Variants in YIPF4 observed in about 807,000 individuals in gnomAD.
The protein encoded by YIPF4 is protein YIPF4.
Under a neutral mutation model 29.4 loss-of-function variants are expected in YIPF4, and 18 were observed. That is an observed-to-expected ratio of 0.61 (90% confidence interval 0.42 to 0.91). The LOEUF is 0.91. Among genes scored for constraint, YIPF4 ranks in the 40% least tolerant of loss-of-function variants. The pLI, the probability that YIPF4 is intolerant of heterozygous loss-of-function variation, is 0.00. For synonymous variants in YIPF4, 115 were observed against 104.7 expected (o/e 1.10, Z -0.60); for missense variants, 279 against 282.7 (o/e 0.99, Z 0.09).
rs2030165042 is a variant in YIPF4 at position 32,277,921 on chromosome 2, G to A, written c.-235G>A. 3 of 523,520 alleles carry A rather than the reference G, an allele frequency of 5.7e-6. No homozygotes were observed. In the South Asian group the frequency reaches 7.1e-5, roughly 12 times the overall value. 32.4% of individuals were successfully genotyped at this position (523,520 alleles called of 1,614,324 possible). ...GCGCCGCTGTCACTGTTATGGTCCT[G>A]TCAGGGTGCCGGCGTCGTGGTGCTT... On this transcript the variant is annotated 5_prime_UTR_variant, in exon 1 of 6. Coordinates refer to ENST00000238831, the MANE Select transcript of YIPF4 (RefSeq NM_032312.4).
At chr2:32,280,275 C>T (rs2030338960) in intron 1 of YIPF4, among the ~76,000 whole-genome samples, 1 of 151,620 alleles carries the variant, frequency 6.6e-6, no homozygotes, top group African/African-American at 2.4e-5. Context: ...CTACAGGTGC[C>T]AGCCACCACA....
At chr2:32,292,753 A>ACTC (rs1202891852) in intron 3 of YIPF4, among the ~76,000 whole-genome samples, 1 of 150,716 alleles carries the variant, frequency 6.6e-6, no homozygotes, top group African/African-American at 2.4e-5. Flanking sequence ...AATCCCAGCT[A>ACTC]CTCGGGAAGC....
intron 5 of YIPF4, 97 bp downstream of exon 5, chr2:32,301,592 TCAAA>T (rs2031407413): frequency 1.3e-6 from 1 of 766,550 alleles, no homozygotes; most frequent in Admixed American, 2.9e-5. Context: ...AAACTCTTTA[TCAAA>T]CAGTTGGTAG....
At chr2:32,280,137 T>TATA (rs199832122) in intron 1 of YIPF4, among the ~76,000 whole-genome samples, 67 of 142,446 alleles carry the variant, frequency 4.7e-4, no homozygotes, top group South Asian at 1.3e-3. Flanking sequence ...ATATATATAT[T>TATA]TTTTTTTTGA....
chr2:32,278,198 G>C lies in YIPF4; in HGVS notation c.43G>C (p.Gly15Arg). 1.3e-6 allele frequency: 2 copies of C among 1,574,258 alleles called. No homozygotes were observed. Among genetic ancestry groups the C allele is most frequent in the South Asian group, 1.2e-5 (1 of 85,958 alleles). ...GPPPAYAPTN[G>R]DFTFVSSADA... ...GCCCCCGGCCTATGCCCCCACTAAC[G>C]GGGACTTCACCTTTGTCTCCTCAGC... The change falls in exon 1 of 6, where the codon GGG becomes CGG. Residue 15 changes from glycine (G) to arginine (R), a missense_variant. Physicochemically the swap from Gly to Arg is moderately radical, Grantham distance 125. Transcript: ENST00000238831.
intron 4 of YIPF4, among the ~76,000 whole-genome samples, chr2:32,298,874 TTTA>T (rs2031292693): frequency 2.0e-5 from 3 of 151,656 alleles, no homozygotes; most frequent in Admixed American, 2.0e-4. Context: ...TATTTATTTA[TTTA>T]TTATTATTAT....
intron 1 of YIPF4, among the ~76,000 whole-genome samples, chr2:32,278,620 G>C (rs1014274373): frequency 6.6e-6 from 1 of 152,094 alleles, no homozygotes; most frequent in Non-Finnish European, 1.5e-5. Flanking sequence ...AAAGGAAGGA[G>C]GGCTGTTTTC....
At chr2:32,301,996 C>T (rs939092236) in intron 5 of YIPF4, among the ~76,000 whole-genome samples, 2 of 151,850 alleles carry the variant, frequency 1.3e-5, no homozygotes, top group Non-Finnish European at 2.9e-5. Context: ...TGAGCCACCA[C>T]ACCCGGCCTG....
intron 2 of YIPF4, 39 bp downstream of exon 2, chr2:32,290,675 G>T (rs1279798938): frequency 7.6e-7 from 1 of 1,307,412 alleles, no homozygotes; most frequent in Non-Finnish European, 9.9e-7. Context: ...TGTTTTTTGA[G>T]CTAGTCTGTG....
At position 32,306,408 on chromosome 2, in the gene YIPF4, C is replaced by G; in HGVS notation, c.*782C>G. On this transcript the variant is annotated 3_prime_UTR_variant, in exon 6 of 6. Transcript: ENST00000238831. ...CAAGAGGTATAATGGATATGGCATTCATTAAAATCTTTACTATGTACAAAA... is the reference window on the plus strand; with the variant it reads ...CAAGAGGTATAATGGATATGGCATTGATTAAAATCTTTACTATGTACAAAA... 1.0e-6 allele frequency: 1 copy of G among 984,436 alleles called. No individual in the cohort carries two copies. The highest frequency in any genetic ancestry group is 1.2e-6 in the Non-Finnish European group (1 of 828,770). The allele number at this position is 984,436 out of a possible 1,614,324, so 61.0% of individuals were successfully genotyped here.
rs189909928 is a variant in YIPF4 at position 32,290,516 on chromosome 2, A to C, written c.113A>C (p.Lys38Thr). The C allele has an allele frequency of 8.2e-6, 13 of 1,577,638 alleles. No individual in the cohort carries two copies. Among genetic ancestry groups the C allele is most frequent in the Middle Eastern group, 3.4e-4 (2 of 5,948 alleles). Reference protein sequence around the residue: ...LSGSIASPDVKLNLGGDFIKE... With the variant: ...LSGSIASPDVTLNLGGDFIKE... ...GGTTCAATAGCATCCCCAGATGTCA[A>C]ATTAAATCTTGGTGGAGATTTTATC... Residue 38 changes from lysine to threonine, a missense_variant, in exon 2 of 6, where the codon AAA becomes ACA. Coordinates refer to ENST00000238831, the MANE Select transcript of YIPF4 (RefSeq NM_032312.4).
intron 1 of YIPF4, among the ~76,000 whole-genome samples, chr2:32,287,022 A>T (rs758738387): frequency 3.3e-5 from 5 of 152,112 alleles, no homozygotes; most frequent in Non-Finnish European, 5.9e-5. Flanking sequence ...AGGCAGGTGT[A>T]TTACATGAGG....
At position 32,306,129 on chromosome 2, in the gene YIPF4, A is replaced by G; in HGVS notation, c.*503A>G. The G allele has an allele frequency of 1.3e-6, 1 of 765,518 alleles. No individual in the cohort carries two copies. The highest frequency in any genetic ancestry group is 6.0e-5 in the South Asian group (1 of 16,696). 47.4% of individuals were successfully genotyped at this position (765,518 alleles called of 1,614,324 possible). ...GATAAACATTAAGATATTAAATCTG[A>G]TGCACAAACTTTTTAATTTGGCCAT... On this transcript the variant is annotated 3_prime_UTR_variant, in exon 6 of 6. Coordinates refer to ENST00000238831, the MANE Select transcript of YIPF4 (RefSeq NM_032312.4).
At chr2:32,305,155 A>G (rs918095594) in intron 5 of YIPF4, among the ~76,000 whole-genome samples, 3 of 152,162 alleles carry the variant, frequency 2.0e-5, no homozygotes, top group South Asian at 4.1e-4. Context: ...ACTGATAACT[A>G]GATCCTTCCC....
intron 5 of YIPF4, 53 bp from the exon 6 acceptor site, chr2:32,305,436 A>G (rs2031545180): frequency 7.1e-7 from 1 of 1,414,852 alleles, no homozygotes; most frequent in African/African-American, 1.5e-5. Context: ...ATATCCAAAA[A>G]GTTAATTGAC....
At position 32,307,538 on chromosome 2, in the gene YIPF4, G is replaced by T. The variant is rs932013133; in HGVS notation, c.*1912G>T. 1 of 153,620 alleles carries T rather than the reference G, an allele frequency of 6.5e-6. No homozygotes were observed. The highest frequency in any genetic ancestry group is 2.4e-5 in the African/African-American group (1 of 41,402). The allele number at this position is 153,620 out of a possible 1,614,324, so 9.5% of individuals were successfully genotyped here. A position where few individuals can be genotyped will look rare whatever the true frequency, so the allele number is the denominator to read the frequency against. ...AATCTTGGGAACTATCTTACTTAGG[G>T]TTTCTATAAATACAAATTACAATGT... On this transcript the variant is annotated 3_prime_UTR_variant, in exon 6 of 6. Transcript: ENST00000238831.
chr2:32,278,055 C>T lies in YIPF4; in HGVS notation c.-101C>T. ...CAGCTTGCACGTCGAGACTCGTAGG[C>T]CGCACCGTAGGGCGAGCGTGCGGGT... On this transcript the variant is annotated 5_prime_UTR_variant, in exon 1 of 6. Coordinates refer to ENST00000238831, the MANE Select transcript of YIPF4 (RefSeq NM_032312.4). 1.9e-6 allele frequency: 2 copies of T among 1,045,226 alleles called. No individual in the cohort carries two copies. Among genetic ancestry groups the T allele is most frequent in the African/African-American group, 1.7e-5 (1 of 59,312 alleles). 64.7% of individuals were successfully genotyped at this position (1,045,226 alleles called of 1,614,324 possible). A position where few individuals can be genotyped will look rare whatever the true frequency, so the allele number is the denominator to read the frequency against.
chr2:32,305,625 G>T lies in YIPF4; in HGVS notation c.734G>T (p.Ter245LeuextTer12). The change falls in exon 6 of 6, where the codon TGA becomes TTA. Residue 245 changes from the stop codon to leucine, a stop_lost. Coordinates refer to ENST00000238831, the MANE Select transcript of YIPF4 (RefSeq NM_032312.4). ...IYFLSLYTGV[*>L] ...TTTTTGTCGTTATATACTGGTGTGT[G>T]ATCCAAGTTATACATGAATAGAAAA... is the stretch of plus-strand genomic sequence containing the variant. 1 of 1,580,892 alleles carries T rather than the reference G, an allele frequency of 6.3e-7. No homozygotes were observed. Among genetic ancestry groups the T allele is most frequent in the South Asian group, 1.2e-5 (1 of 84,454 alleles).
rs1380057306 is a variant in YIPF4 at position 32,315,315 on chromosome 2, C to T, written c.*9689C>T. ...GGACAGAACTGAATCACATAGCCAT[C>T]CCTTGCTGTAAGAGAGTTGGGGAAA... is the stretch of plus-strand genomic sequence containing the variant. On this transcript the variant is annotated 3_prime_UTR_variant, in exon 6 of 6. Coordinates refer to ENST00000238831, the MANE Select transcript of YIPF4 (RefSeq NM_032312.4). The T allele has an allele frequency of 6.6e-6, 1 of 152,196 alleles. No individual in the cohort carries two copies. The highest frequency in any genetic ancestry group is 2.1e-4 in the South Asian group (1 of 4,836). The allele number at this position is 152,196 out of a possible 1,614,324, so 9.4% of individuals were successfully genotyped here. A position where few individuals can be genotyped will look rare whatever the true frequency, so the allele number is the denominator to read the frequency against.
Sources: gnomAD v4.1 joint callset for allele counts (sites outside exome capture counted in the v4.1 genomes callset) on GRCh38, gnomAD v4.1.1 for gene constraint, MANE v1.5 for transcripts, NCBI Gene and HGNC (gene_info 2026-07-23, HGNC 2026-07-21) for gene names.